AGBL3: variants seen among roughly 807,000 people sequenced by gnomAD.
The protein encoded by AGBL3 is cytosolic carboxypeptidase 3.
A neutral mutation model predicts 94.5 loss-of-function variants in AGBL3; 68 were observed. That is an observed-to-expected ratio of 0.72 (90% CI 0.59 to 0.88). The LOEUF (loss-of-function observed/expected upper bound fraction) is 0.88. Ranked by LOEUF, AGBL3 falls within the 40% of genes least tolerant of loss-of-function variation. The pLI, the probability that AGBL3 is intolerant of heterozygous loss-of-function variation, is 0.00. For synonymous variants in AGBL3, 354 were observed against 370.7 expected (o/e 0.95, Z 0.52); for missense variants, 934 against 1,103.8 (o/e 0.85, Z 2.18).
chr7:135,047,157 GTCTT>G (rs1208717183), intron 11 of AGBL3, among the ~76,000 whole-genome samples: 1 of 152,088 alleles, frequency 6.6e-6, no homozygotes, highest in East Asian at 1.9e-4. Flanking sequence ...TGCAGTATTT[GTCTT>G]TCTGTGATTG....
chr7:135,077,143 G>A (rs1820527072), intron 13 of AGBL3, among the ~76,000 whole-genome samples: 1 of 148,986 alleles, frequency 6.7e-6, no homozygotes, highest in African/African-American at 2.5e-5. Context: ...GGCTATCCCA[G>A]GAGGGGGAGG....
At chr7:135,038,645 T>C (rs1437924389) in intron 8 of AGBL3, among the ~76,000 whole-genome samples, 1 of 151,766 alleles carries the variant, frequency 6.6e-6, no homozygotes, top group African/African-American at 2.4e-5. Flanking sequence ...TATTTCTAGG[T>C]TTTCTGTTAA....
chr7:135,073,807 T>A (rs1174662556), intron 12 of AGBL3, among the ~76,000 whole-genome samples: 1 of 152,110 alleles, frequency 6.6e-6, no homozygotes, highest in Non-Finnish European at 1.5e-5. Flanking sequence ...GCCTTTTTTA[T>A]GCAAATAAGC....
At chr7:135,014,691 T>G (rs1355603619) in intron 4 of AGBL3, among the ~76,000 whole-genome samples, 1 of 152,186 alleles carries the variant, frequency 6.6e-6, no homozygotes, top group Non-Finnish European at 1.5e-5. Flanking sequence ...CATGGTGTTG[T>G]CTCAGCCTGT....
At chr7:135,109,073 G>C (rs1585165715) in intron 15 of AGBL3, among the ~76,000 whole-genome samples, 1 of 152,080 alleles carries the variant, frequency 6.6e-6, no homozygotes, top group South Asian at 2.1e-4. Flanking sequence ...TATTTTGTTT[G>C]TCAGCTCCTG....
chr7:135,097,180 C>T (rs1264832191), intron 15 of AGBL3, among the ~76,000 whole-genome samples: 2 of 152,044 alleles, frequency 1.3e-5, no homozygotes, highest in Non-Finnish European at 2.9e-5. Flanking sequence ...TTTCCTGGTT[C>T]AAAGGTTACG....
At chr7:135,055,977 C>T (rs1384065787) in intron 11 of AGBL3, among the ~76,000 whole-genome samples, 2 of 151,380 alleles carry the variant, frequency 1.3e-5, no homozygotes, top group African/African-American at 4.8e-5. Flanking sequence ...ATATCTCTCC[C>T]AGTGTGAGTT....
At chr7:134,999,318 A>G (rs1404842065) in intron 4 of AGBL3, among the ~76,000 whole-genome samples, 1 of 152,190 alleles carries the variant, frequency 6.6e-6, no homozygotes, top group Non-Finnish European at 1.5e-5. Context: ...CTACCACAGC[A>G]TTCCGATGTA....
At chr7:135,093,794 C>A (rs982066528) in intron 15 of AGBL3, 2 of 152,050 alleles carry the variant, frequency 1.3e-5, no homozygotes, top group African/African-American at 2.4e-5. Context: ...CCCAGAATAA[C>A]CAAAGCAATT....
In AGBL3 at chr7:135,135,006, CAAG is replaced by C; in HGVS notation, c.2514_2516del (p.Lys838del). On this transcript the variant is annotated inframe_deletion, in exon 17 of 17. Coordinates refer to ENST00000436302, the MANE Select transcript of AGBL3 (RefSeq NM_178563.4). ...AAAGTTTATCACCTCTCAAAGGCCC[CAAG>C]AAGAATAAACATTCTCAAATCTGGG... 1.9e-6 allele frequency: 3 copies of C among 1,551,064 alleles called. No individual in the cohort carries two copies. The South Asian group carries it at 3.6e-5, about 18-fold the overall frequency.
At chr7:134,991,576 A>G (rs1291629986) in intron 3 of AGBL3, among the ~76,000 whole-genome samples, 1 of 152,008 alleles carries the variant, frequency 6.6e-6, no homozygotes, top group African/African-American at 2.4e-5. Context: ...ATATCATATC[A>G]CCTAACCCTT....
chr7:135,034,716 AG>A lies in AGBL3; in HGVS notation c.1127del (p.Gly376AlafsTer3). The A allele has an allele frequency of 6.4e-7, 1 of 1,550,656 alleles. No individual in the cohort carries two copies. The highest frequency in any genetic ancestry group is 8.7e-7 in the Non-Finnish European group (1 of 1,146,472). ...AAACCAACAGCTCTTGGATCATGAA[AG>A]GCTTCCTAGATTATATTTTAGGAAA... Reference protein sequence around the residue: ...GETNSSWIMKGFLDYILGNSS... With the variant: ...GETNSSWIMKXFLDYILGNSS... On this transcript the variant is annotated frameshift_variant, in exon 7 of 17. Transcript: ENST00000436302. LOFTEE classifies it high-confidence loss of function.
chr7:134,999,636 C>A (rs1811462035), intron 4 of AGBL3, among the ~76,000 whole-genome samples: 1 of 152,178 alleles, frequency 6.6e-6, no homozygotes, highest in Admixed American at 6.5e-5. Context: ...CCCCTAAATT[C>A]CATGGTGATT....
chr7:135,069,614 C>G (rs1334841649), intron 12 of AGBL3, among the ~76,000 whole-genome samples: 1 of 152,156 alleles, frequency 6.6e-6, no homozygotes, highest in African/African-American at 2.4e-5. Flanking sequence ...GCAACCTGCT[C>G]CTGAATGACT....
At chr7:135,025,669 C>A (rs540918729) in intron 5 of AGBL3, among the ~76,000 whole-genome samples, 80 of 151,532 alleles carry the variant, frequency 5.3e-4, no homozygotes, top group African/African-American at 1.9e-3. Context: ...AAGACAAGAC[C>A]CAACTGTTGG....
intron 14 of AGBL3, among the ~76,000 whole-genome samples, chr7:135,080,539 G>A (rs1353547666): frequency 6.6e-6 from 1 of 152,144 alleles, no homozygotes; most frequent in Non-Finnish European, 1.5e-5. Context: ...AGAGGTCCAC[G>A]TATTTCAGGG....
At chr7:135,050,490 G>A (rs961441377) in intron 11 of AGBL3, among the ~76,000 whole-genome samples, 1 of 151,394 alleles carries the variant, frequency 6.6e-6, no homozygotes, top group Non-Finnish European at 1.5e-5. Flanking sequence ...GAAGTCTCCT[G>A]CTATTATTGT....
chr7:135,080,884 T>A (rs918423666), intron 14 of AGBL3, among the ~76,000 whole-genome samples: 8 of 147,610 alleles, frequency 5.4e-5, no homozygotes, highest in African/African-American at 2.0e-4. Context: ...ATATATATAT[T>A]AATTTATTGT....
intron 16 of AGBL3, among the ~76,000 whole-genome samples, chr7:135,127,659 A>G (rs1399659417): frequency 2.0e-5 from 3 of 152,200 alleles, no homozygotes; most frequent in East Asian, 1.9e-4. Context: ...GCAATTACTA[A>G]TAAGTCAAGA....
Sources: allele counts gnomAD v4.1 joint callset (sites outside exome capture counted in the v4.1 genomes callset), GRCh38; gene constraint gnomAD v4.1.1; transcripts MANE v1.5; gene names NCBI Gene and HGNC (gene_info 2026-07-23, HGNC 2026-07-21).